Variants in WWOX observed in about 807,000 individuals in gnomAD.
The protein encoded by WWOX is WW domain containing oxidoreductase, also known as WW domain-containing oxidoreductase.
In WWOX, 69 loss-of-function variants were observed where a neutral mutation model predicts 46.2. The ratio of observed to expected loss-of-function variants is 1.49; its 90% confidence interval spans 1.23 to 1.82. The LOEUF (loss-of-function observed/expected upper bound fraction) is 1.82, where lower values mean the gene tolerates loss of function less well. Among genes scored for constraint, WWOX ranks in the 40% most tolerant of loss-of-function variants. The pLI is 0.00. For synonymous variants in WWOX, 359 were observed against 202.6 expected (o/e 1.77, Z -6.56); for missense variants, 919 against 542.6 (o/e 1.69, Z -6.89).
chr16:78,311,788 GGC>G (rs1555517185), intron 5 of WWOX, among the ~76,000 whole-genome samples: 9 of 29,988 alleles, frequency 3.0e-4, no homozygotes, highest in African/African-American at 5.9e-4. Flanking sequence ...AAAGCAGCCT[GGC>G]GGGGGGGTAT....
intron 8 of WWOX, among the ~76,000 whole-genome samples, chr16:79,138,136 A>G (rs769262132): frequency 1.3e-5 from 2 of 152,178 alleles, no homozygotes; most frequent in Non-Finnish European, 2.9e-5. Flanking sequence ...TTCCCCGAGA[A>G]TACTGCGTGT....
intron 8 of WWOX, among the ~76,000 whole-genome samples, chr16:79,072,697 G>GTCATCA (rs1159823873): frequency 1.3e-5 from 2 of 152,104 alleles, no homozygotes; most frequent in African/African-American, 4.8e-5. Context: ...CATCACCATC[G>GTCATCA]TCATCATCAG....
intron 5 of WWOX, among the ~76,000 whole-genome samples, chr16:78,275,343 C>T (rs908692406): frequency 3.3e-5 from 5 of 152,164 alleles, no homozygotes; most frequent in African/African-American, 7.2e-5. Flanking sequence ...GTACGGTGGC[C>T]GCCCCAGTTG....
At chr16:78,961,717 C>G (rs897596185) in intron 8 of WWOX, among the ~76,000 whole-genome samples, 16 of 152,138 alleles carry the variant, frequency 1.1e-4, no homozygotes, top group Admixed American at 2.0e-4. Context: ...GTATCACTTC[C>G]TGATTTTCTG....
At chr16:79,142,247 A>C (rs1269462672) in intron 8 of WWOX, among the ~76,000 whole-genome samples, 1 of 152,144 alleles carries the variant, frequency 6.6e-6, no homozygotes, top group African/African-American at 2.4e-5. Context: ...ACAAATACAG[A>C]AGATAATTCC....
intron 8 of WWOX, among the ~76,000 whole-genome samples, chr16:78,819,302 T>G (rs1377341720): frequency 6.6e-6 from 1 of 152,086 alleles, no homozygotes. Flanking sequence ...AGACAGGGCT[T>G]ACACACCGGA....
rs111862787 is a variant in WWOX, at chr16:78,466,847, CA to C, written c.1056+34105del. On this transcript the variant is annotated intron_variant, in intron 8 of 8. Transcript: ENST00000566780. ...TGGGCAACAGAGCGAGACTCCGTCT[CA>C]AAAAAAAAAGCACAAAAAATTTTTT... Among the ~76,000 whole-genome samples, 493 of 146,480 alleles carry C rather than the reference CA, an allele frequency of 3.4e-3. 3 individuals are homozygous for C. Among genetic ancestry groups the C allele is most frequent in the Non-Finnish European group, 5.1e-3 (340 of 66,352 alleles).
At chr16:78,579,226 G>A (rs566522984) in intron 8 of WWOX, among the ~76,000 whole-genome samples, 18 of 152,258 alleles carry the variant, frequency 1.2e-4, no homozygotes, top group African/African-American at 3.9e-4. Flanking sequence ...TGAAAAGGCA[G>A]GTTTTGCTTT....
intron 8 of WWOX, among the ~76,000 whole-genome samples, chr16:78,625,326 C>G (rs1279491562): frequency 6.6e-6 from 1 of 152,158 alleles, no homozygotes; most frequent in African/African-American, 2.4e-5. Context: ...TGGAGCCTCC[C>G]CATCCAAGGC....
At chr16:78,979,673 A>G (rs747784478) in intron 8 of WWOX, among the ~76,000 whole-genome samples, 4 of 152,134 alleles carry the variant, frequency 2.6e-5, no homozygotes, top group Non-Finnish European at 5.9e-5. Flanking sequence ...ATCAGTACCC[A>G]TCTCTCAGAG....
intron 8 of WWOX, among the ~76,000 whole-genome samples, chr16:78,661,907 G>A (rs2047222778): frequency 6.6e-6 from 1 of 152,194 alleles, no homozygotes; most frequent in Admixed American, 6.5e-5. Flanking sequence ...AGCTGGGCGT[G>A]GTGATATGCA....
At chr16:79,133,916 A>T (rs2049932359) in intron 8 of WWOX, among the ~76,000 whole-genome samples, 1 of 152,204 alleles carries the variant, frequency 6.6e-6, no homozygotes, top group African/African-American at 2.4e-5. Context: ...TTGTCAGGGA[A>T]GAGATTAATA....
At chr16:78,467,679 C>A (rs2084114019) in intron 8 of WWOX, among the ~76,000 whole-genome samples, 1 of 152,098 alleles carries the variant, frequency 6.6e-6, no homozygotes, top group Non-Finnish European at 1.5e-5. Flanking sequence ...TAAAGCTTTG[C>A]TTAATTAATG....
At chr16:79,206,506 G>A (rs1162801449) in intron 8 of WWOX, 1 of 152,188 alleles carries the variant, frequency 6.6e-6, no homozygotes, top group African/African-American at 2.4e-5. Flanking sequence ...GTGAGGGTTA[G>A]GCAACAATGC....
chr16:78,317,334 G>A (rs2080375643), intron 5 of WWOX, among the ~76,000 whole-genome samples: 2 of 152,128 alleles, frequency 1.3e-5, no homozygotes, highest in South Asian at 4.1e-4. Context: ...TTTAGGTAAA[G>A]CAGTGTTTCT....
At chr16:79,187,379 A>G (rs2051037923) in intron 8 of WWOX, among the ~76,000 whole-genome samples, 1 of 152,156 alleles carries the variant, frequency 6.6e-6, no homozygotes, top group African/African-American at 2.4e-5. Flanking sequence ...AGGTACTAGA[A>G]ATCCACTCCT....
At chr16:78,410,674 C>T (rs1021955906) in intron 6 of WWOX, among the ~76,000 whole-genome samples, 2 of 151,762 alleles carry the variant, frequency 1.3e-5, no homozygotes, top group South Asian at 2.1e-4. Flanking sequence ...GGCATGGTGG[C>T]ACATGCATGT....
chr16:78,740,258 A>T (rs1194696739), intron 8 of WWOX, among the ~76,000 whole-genome samples: 1 of 152,206 alleles, frequency 6.6e-6, no homozygotes, highest in Non-Finnish European at 1.5e-5. Flanking sequence ...TACAATGCTG[A>T]TGCGACTCAG....
chr16:78,210,911 G>C (rs2036539770), intron 5 of WWOX, among the ~76,000 whole-genome samples: 2 of 152,112 alleles, frequency 1.3e-5, no homozygotes, highest in Admixed American at 1.3e-4. Context: ...TATATTTATA[G>C]TTAAAGATTC....
Sources: allele counts gnomAD v4.1 joint callset (sites outside exome capture counted in the v4.1 genomes callset), GRCh38; gene constraint gnomAD v4.1.1; transcripts MANE v1.5; gene names NCBI Gene and HGNC (gene_info 2026-07-23, HGNC 2026-07-21).